Variants in SHANK2 observed in about 807,000 individuals in gnomAD.
The protein encoded by SHANK2 is SH3 and multiple ankyrin repeat domains protein 2.
A neutral mutation model predicts 133.7 loss-of-function variants in SHANK2; 43 were observed. That is an observed-to-expected ratio of 0.32 (90% CI 0.25 to 0.41). The LOEUF is 0.41. Among genes scored for constraint, SHANK2 ranks in the 10% least tolerant of loss-of-function variants. The pLI is 1.00. For synonymous variants in SHANK2, 1,017 were observed against 952.8 expected, an observed-to-expected ratio of 1.07 and a Z score of -1.24; for missense variants, 1,994 against 2,235.8, an observed-to-expected ratio of 0.89 and a Z score of 2.18.
intron 9 of SHANK2, among the ~76,000 whole-genome samples, chr11:71,059,276 T>C (rs1355727198): frequency 1.3e-5 from 2 of 151,662 alleles, no homozygotes; most frequent in East Asian, 1.9e-4. Flanking sequence ...TAGAAGGAAA[T>C]AGGGAGCAGC....
In SHANK2 at chr11:70,487,382, C is replaced by T; in HGVS notation, c.2911G>A (p.Ala971Thr). The T allele has an allele frequency of 6.2e-7, 1 of 1,614,152 alleles. No individual in the cohort carries two copies. Among genetic ancestry groups the T allele is most frequent in the Non-Finnish European group, 8.5e-7 (1 of 1,180,040 alleles). ...TTGCGGAAGTTGGCTTGCGGGCCGG[C>T]ATTCCGACTGTAGAGGTCTTCAGAG... Reference protein sequence around the residue: ...LDSEDLYSRNAGPQANFRNKR... With the variant: ...LDSEDLYSRNTGPQANFRNKR... Residue 971 changes from alanine (A) to threonine (T), a missense_variant, in exon 25 of 26, where the codon GCC becomes ACC. Around this residue, in one of 5 missense-constraint regions of SHANK2, gnomAD observed 488 missense variants for 642.6 expected, o/e 0.76. Coordinates refer to ENST00000601538, the MANE Select transcript of SHANK2 (RefSeq NM_012309.5). The surrounding 1 kb of genome is among the most constrained non-coding windows in gnomAD (Gnocchi z 5.8).
At chr11:71,148,228 G>A (rs537418779) in intron 2 of SHANK2, among the ~76,000 whole-genome samples, 1 of 152,310 alleles carries the variant, frequency 6.6e-6, no homozygotes, top group East Asian at 1.9e-4. Context: ...GGGATTGCAG[G>A]CATGCGCCAC....
intron 17 of SHANK2, among the ~76,000 whole-genome samples, chr11:70,608,237 T>C (rs1183960814): frequency 2.0e-5 from 3 of 152,182 alleles, no homozygotes; most frequent in African/African-American, 7.2e-5. Flanking sequence ...CCTCCCAAAG[T>C]GCTTGGATTG....
intron 17 of SHANK2, among the ~76,000 whole-genome samples, chr11:70,597,876 ACAAC>A (rs528520165): frequency 7.2e-5 from 11 of 152,156 alleles, no homozygotes; most frequent in African/African-American, 2.2e-4. Context: ...CCATCTCAAA[ACAAC>A]CAACCAACCA....
chr11:70,846,548 G>A (rs112862930), intron 11 of SHANK2, among the ~76,000 whole-genome samples: 2 of 152,076 alleles, frequency 1.3e-5, no homozygotes, highest in Admixed American at 6.5e-5. Flanking sequence ...GAGCTGCTGC[G>A]CTCGGCCTCA....
intron 15 of SHANK2, among the ~76,000 whole-genome samples, chr11:70,672,018 C>A (rs1555016168): frequency 1.3e-5 from 2 of 152,038 alleles, no homozygotes; most frequent in East Asian, 1.9e-4. Context: ...GTATCTCCCC[C>A]ACTTAAAACA....
rs60414874 is a variant in SHANK2 at position 70,718,700 on chromosome 11, C to CTTTTTT, written c.1778-19943_1778-19938dup. Among the ~76,000 whole-genome samples, 2 of 129,814 alleles carry CTTTTTT rather than the reference C, an allele frequency of 1.5e-5. 1 individual carries two copies. Among genetic ancestry groups the CTTTTTT allele is most frequent in the African/African-American group, 6.4e-5 (2 of 31,040 alleles). 85.2% of individuals were successfully genotyped at this position (129,814 alleles called of 152,430 possible). On this transcript the variant is annotated intron_variant, in intron 14 of 25. Coordinates refer to ENST00000601538, the MANE Select transcript of SHANK2 (RefSeq NM_012309.5). ...CTCCCTTTTTGATAGAGCTCATTCT[C>CTTTTTT]TTTTTTTTTTTTTGAATTGCTGGCC...
chr11:70,539,553 TACTC>T (rs1385410543), intron 17 of SHANK2, among the ~76,000 whole-genome samples: 7 of 92,172 alleles, frequency 7.6e-5, no homozygotes, highest in Non-Finnish European at 1.7e-4. Context: ...TCACTCACCA[TACTC>T]ACCACGCTCA....
At chr11:70,831,804 C>T (rs377392991) in intron 11 of SHANK2, among the ~76,000 whole-genome samples, 8 of 152,360 alleles carry the variant, frequency 5.3e-5, no homozygotes, top group South Asian at 2.1e-4. Flanking sequence ...GGCGATCAGA[C>T]GCCCGCCTCC....
intron 2 of SHANK2, among the ~76,000 whole-genome samples, chr11:71,164,046 T>C (rs1555110360): frequency 6.6e-6 from 1 of 152,074 alleles, no homozygotes; most frequent in African/African-American, 2.4e-5. Flanking sequence ...AAATGTAAAA[T>C]CAAAATACAA....
intron 2 of SHANK2, among the ~76,000 whole-genome samples, chr11:71,187,389 GAC>G (rs1192563474): frequency 4.0e-5 from 6 of 151,898 alleles, no homozygotes; most frequent in Non-Finnish European, 8.8e-5. Context: ...TTTGTTTGGA[GAC>G]AGTTTTTCAT....
At chr11:71,115,511 C>T (rs113736509) in intron 4 of SHANK2, among the ~76,000 whole-genome samples, 1 of 152,124 alleles carries the variant, frequency 6.6e-6, no homozygotes, top group East Asian at 1.9e-4. Context: ...GCAACAATTT[C>T]ATGACAATGA....
Position 70,663,657 on chromosome 11 carries a change from TG to T in SHANK2, c.1854-1980del, listed in dbSNP as rs555218523. Among the ~76,000 whole-genome samples, 62 of 152,296 alleles carry T rather than the reference TG, an allele frequency of 4.1e-4. No individual in the cohort carries two copies. In the South Asian group the frequency reaches 0.012, roughly 30 times the overall value. On this transcript the variant is annotated intron_variant, in intron 15 of 25. Transcript: ENST00000601538. The stretch of plus-strand genomic sequence containing the variant: ...TTGTCAGCAGCTGGGAGGGGGGTTC[TG>T]GCCCCTGACCTTCCTTACCTTGCCC...
In SHANK2 at chr11:71,232,739, T is replaced by A. The variant is rs140949274; in HGVS notation, c.-112-7943A>T. Among the ~76,000 whole-genome samples, 249 of 150,774 alleles carry A rather than the reference T, an allele frequency of 1.7e-3. 2 individuals are homozygous for A. Among genetic ancestry groups the A allele is most frequent in the African/African-American group, 6.1e-3 (243 of 40,076 alleles). On this transcript the variant is annotated intron_variant, in intron 1 of 25. Transcript: ENST00000601538. ...ATTTGTTTGTATAACATACAAAACATGTGTTAATGGACTGTTTATGTTATC... is the reference window on the plus strand; with the variant it reads ...ATTTGTTTGTATAACATACAAAACAAGTGTTAATGGACTGTTTATGTTATC...
chr11:71,084,316 T>A (rs1340187449), intron 8 of SHANK2, among the ~76,000 whole-genome samples: 6 of 152,124 alleles, frequency 3.9e-5, no homozygotes, highest in Non-Finnish European at 7.4e-5. Context: ...TGAGCTCAAA[T>A]GGGGCTCTTC....
At chr11:70,661,484 T>C in intron 16 of SHANK2, 112 bp downstream of exon 16, 1 of 1,129,930 alleles carries the variant, frequency 8.9e-7, no homozygotes. Context: ...TGGGGAACGT[T>C]TTTCATGCAG....
At chr11:71,166,833 C>A (rs1294441130) in intron 2 of SHANK2, among the ~76,000 whole-genome samples, 1 of 147,360 alleles carries the variant, frequency 6.8e-6, no homozygotes, top group Non-Finnish European at 1.5e-5. Flanking sequence ...GTGTTTCTCG[C>A]AGAGGGGGAT....
At chr11:70,518,304 G>A (rs937604497) in intron 17 of SHANK2, among the ~76,000 whole-genome samples, 3 of 152,244 alleles carry the variant, frequency 2.0e-5, no homozygotes, top group Admixed American at 2.0e-4. Context: ...GAGATTAGCT[G>A]CAGTTAGCTG....
At chr11:71,139,792 T>G (rs775989083) in intron 3 of SHANK2, among the ~76,000 whole-genome samples, 9 of 152,116 alleles carry the variant, frequency 5.9e-5, no homozygotes, top group Non-Finnish European at 1.2e-4. Context: ...ACTATTCAAG[T>G]GAGGGCTCCG....
Sources: allele counts gnomAD v4.1 joint callset (sites outside exome capture counted in the v4.1 genomes callset), GRCh38; gene constraint gnomAD v4.1.1; regional missense constraint gnomAD v4.1.1; non-coding constraint Gnocchi (gnomAD v3.1); transcripts MANE v1.5; gene names NCBI Gene and HGNC (gene_info 2026-07-23, HGNC 2026-07-21).